Variants in PHF20 observed in about 807,000 individuals in gnomAD.
The protein encoded by PHF20 is PHD finger protein 20, also known as glioma-expressed antigen 2.
PHF20 carries 23 observed loss-of-function variants against 113.5 expected under a neutral mutation model. The observed-to-expected ratio is 0.20, with a 90% CI of 0.15 to 0.29. The LOEUF (loss-of-function observed/expected upper bound fraction) is 0.29. Among genes scored for constraint, PHF20 ranks in the 10% least tolerant of loss-of-function variants. The pLI, the probability that PHF20 is intolerant of heterozygous loss-of-function variation, is 1.00. For synonymous variants in PHF20, 434 were observed against 457.3 expected, an observed-to-expected ratio of 0.95 and a Z score of 0.65; for missense variants, 943 against 1,219.6, an observed-to-expected ratio of 0.77 and a Z score of 3.38.
intron 17 of PHF20, among the ~76,000 whole-genome samples, chr20:35,943,044 C>T (rs1568808519): frequency 6.6e-6 from 1 of 152,142 alleles, no homozygotes; most frequent in African/African-American, 2.4e-5. Context: ...AGGATGGTCT[C>T]GATCTCCTGA....
At chr20:35,785,060 A>G (rs1313830057) in intron 1 of PHF20, among the ~76,000 whole-genome samples, 1 of 151,822 alleles carries the variant, frequency 6.6e-6, no homozygotes, top group Non-Finnish European at 1.5e-5. Flanking sequence ...TAAAAAAAAA[A>G]AAAGAGGGTA....
At chr20:35,864,621 T>C (rs1422467533) in intron 6 of PHF20, among the ~76,000 whole-genome samples, 1 of 152,140 alleles carries the variant, frequency 6.6e-6, no homozygotes, top group South Asian at 2.1e-4. Context: ...CATTGTAAGA[T>C]AGGAAATTAT....
At chr20:35,815,300 A>G (rs1485387946) in intron 2 of PHF20, among the ~76,000 whole-genome samples, 4 of 151,898 alleles carry the variant, frequency 2.6e-5, no homozygotes, top group Non-Finnish European at 5.9e-5. Context: ...AAATATGGCC[A>G]GACACGGTGA....
chr20:35,903,821 G>A (rs2055149157), intron 10 of PHF20, among the ~76,000 whole-genome samples: 1 of 152,176 alleles, frequency 6.6e-6, no homozygotes, highest in Non-Finnish European at 1.5e-5. Context: ...CTATCAATGA[G>A]AGTGAACATA....
intron 9 of PHF20, among the ~76,000 whole-genome samples, chr20:35,889,009 CTTTTTTTTTTTTT>C (rs566960589): frequency 7.1e-5 from 7 of 99,204 alleles, no homozygotes; most frequent in Non-Finnish European, 1.3e-4. Flanking sequence ...CTCTTAGTTT[CTTTTTTTTTTTTT>C]TTTTTTTTTT....
intron 9 of PHF20, among the ~76,000 whole-genome samples, chr20:35,885,476 T>G (rs2054711732): frequency 1.1e-5 from 1 of 92,876 alleles, no homozygotes; most frequent in Admixed American, 1.0e-4. Context: ...GCTTTTTTTT[T>G]TTTTTTTTTT....
intron 3 of PHF20, among the ~76,000 whole-genome samples, chr20:35,844,197 G>C (rs764037191): frequency 6.6e-5 from 10 of 151,790 alleles, no homozygotes; most frequent in Non-Finnish European, 1.5e-4. Flanking sequence ...CCATCTCCTG[G>C]GTTCAAGCGA....
chr20:35,835,401 C>T (rs942684676), intron 2 of PHF20, among the ~76,000 whole-genome samples: 2 of 152,194 alleles, frequency 1.3e-5, no homozygotes, highest in South Asian at 2.1e-4. Flanking sequence ...TGAAATAAAG[C>T]ATTTTAGTTT....
At chr20:35,832,564 G>C (rs1403307556) in intron 2 of PHF20, among the ~76,000 whole-genome samples, 1 of 152,208 alleles carries the variant, frequency 6.6e-6, no homozygotes, top group Non-Finnish European at 1.5e-5. Flanking sequence ...AGATAGTGTA[G>C]TCAGAGATTC....
At chr20:35,929,683 A>G (rs1251564201) in intron 14 of PHF20, among the ~76,000 whole-genome samples, 1 of 152,202 alleles carries the variant, frequency 6.6e-6, no homozygotes, top group Non-Finnish European at 1.5e-5. Flanking sequence ...TAGAAGTCAC[A>G]CACACCATCT....
Position 35,801,582 on chromosome 20 carries a change from A to C in PHF20, c.60A>C (p.Glu20Asp). The change falls in exon 2 of 18, where the codon GAA becomes GAC. Residue 20 changes from glutamate (E) to aspartate (D), a missense_variant. Glu to Asp is a conservative substitution (Grantham distance 45). Coordinates refer to ENST00000374012, the MANE Select transcript of PHF20 (RefSeq NM_016436.5). ...GCTTTGAAGTGGGAGCCCAGTTGGA[A>C]GCCCGGGACCGTTTAAAAAACTGGT... is the stretch of plus-strand genomic sequence containing the variant. ...GISFEVGAQL[E>D]ARDRLKNWYP... The C allele has an allele frequency of 6.2e-7, 1 of 1,612,968 alleles. No individual in the cohort carries two copies. The highest frequency in any genetic ancestry group is 8.5e-7 in the Non-Finnish European group (1 of 1,179,100).
At chr20:35,864,451 C>A (rs1299055432) in intron 6 of PHF20, among the ~76,000 whole-genome samples, 1 of 147,988 alleles carries the variant, frequency 6.8e-6, no homozygotes, top group African/African-American at 2.5e-5. Flanking sequence ...CACACACACA[C>A]AAATATTTTC....
intron 2 of PHF20, among the ~76,000 whole-genome samples, chr20:35,839,390 CAAAAAAAAA>C (rs752680212): frequency 5.9e-5 from 4 of 67,926 alleles, no homozygotes; most frequent in Non-Finnish European, 9.3e-5. Flanking sequence ...GATTCCATCT[CAAAAAAAAA>C]AAAAAAAAAA....
At chr20:35,884,521 C>T (rs1273279173) in intron 9 of PHF20, among the ~76,000 whole-genome samples, 1 of 152,166 alleles carries the variant, frequency 6.6e-6, no homozygotes, top group African/African-American at 2.4e-5. Context: ...AAATGTTCAC[C>T]AGGACTATAT....
chr20:35,844,668 G>T (rs1265256507), intron 3 of PHF20, among the ~76,000 whole-genome samples: 2 of 150,524 alleles, frequency 1.3e-5, no homozygotes, highest in Non-Finnish European at 2.9e-5. Context: ...CTTTAGAAAA[G>T]AAGCAAAGAA....
rs1385911508 is a variant in PHF20 at position 35,871,061 on chromosome 20, C to T, written c.1029C>T (p.Asp343=). 1.9e-6 allele frequency: 3 copies of T among 1,613,294 alleles called. No homozygotes were observed. The highest frequency in any genetic ancestry group is 1.3e-5 in the African/African-American group (1 of 74,904). The part of the protein sequence containing the change: ...TNGTHEILDP[D]LVVSDLVDTD... ...GGACCCATGAGATCCTAGATCCTGA[C>T]TTGGTTGTATCAGATTTGGTTGATA... Residue 343 remains aspartate (D), a synonymous_variant, in exon 8 of 18, where the codon GAC becomes GAT. Transcript: ENST00000374012.
chr20:35,883,843 A>T (rs567604216), intron 9 of PHF20, among the ~76,000 whole-genome samples: 2 of 152,296 alleles, frequency 1.3e-5, no homozygotes, highest in Non-Finnish European at 2.9e-5. Context: ...CCCTGCCTTT[A>T]GGGGCATTGC....
chr20:35,903,720 C>CCCTGGCTGTGCCAGGCA (rs1362063628), intron 10 of PHF20, among the ~76,000 whole-genome samples: 1 of 152,212 alleles, frequency 6.6e-6, no homozygotes, highest in Non-Finnish European at 1.5e-5. Flanking sequence ...TGGCCACCAG[C>CCCTGGCTGTGCCAGGCA]CCTGACTGTG....
chr20:35,787,074 C>T (rs2041434095), intron 1 of PHF20, among the ~76,000 whole-genome samples: 1 of 151,432 alleles, frequency 6.6e-6, no homozygotes, highest in East Asian at 1.9e-4. Flanking sequence ...TCACTGCAGC[C>T]TTGAACCCCT....
Sources: allele counts gnomAD v4.1 joint callset (sites outside exome capture counted in the v4.1 genomes callset), GRCh38; gene constraint gnomAD v4.1.1; transcripts MANE v1.5; gene names NCBI Gene and HGNC (gene_info 2026-07-23, HGNC 2026-07-21).